The following FAM161A variants were observed in gnomAD, a reference collection of about 807,000 sequenced individuals.
FAM161A encodes the protein protein FAM161A.
In FAM161A, 57 loss-of-function variants were observed where a neutral mutation model predicts 70.9. The ratio of observed to expected loss-of-function variants is 0.80; its 90% confidence interval spans 0.65 to 1.00. The LOEUF (loss-of-function observed/expected upper bound fraction) is 1.00. Ranked by LOEUF, FAM161A falls within the 50% of genes least tolerant of loss-of-function variation. FAM161A has a pLI of 0.00. For synonymous variants in FAM161A, 299 were observed against 295.7 expected, an observed-to-expected ratio of 1.01 and a Z score of -0.12; for missense variants, 880 against 836.0, an observed-to-expected ratio of 1.05 and a Z score of -0.65.
chr2:61,802,369 A>C, the FAM161A span, among the ~76,000 whole-genome samples: 2 of 152,192 alleles, frequency 1.3e-5, no homozygotes, highest in Non-Finnish European at 2.9e-5. Flanking sequence ...TGATTTGGGC[A>C]GAAATGGGTG....
rs1468535654 is a variant in FAM161A, at chr2:61,840,400, T to G, written c.604A>C (p.Met202Leu). 6.2e-7 allele frequency: 1 copy of G among 1,613,994 alleles called. No homozygotes were observed. Among genetic ancestry groups the G allele is most frequent in the African/African-American group, 1.3e-5 (1 of 74,910 alleles). ...MTYAKELINN[M>L]WTDFCVEDYI... ...TCCTCAACACAAAAGTCTGTCCACA[T>G]ATTGTTGATGAGCTCCTTAGCATAG... is the stretch of plus-strand genomic sequence containing the variant. Residue 202 changes from methionine to leucine, a missense_variant, in exon 3 of 7, where the codon ATG becomes CTG. By Grantham distance (15) the Met-to-Leu change is conservative. Transcript: ENST00000404929.
the FAM161A span, among the ~76,000 whole-genome samples, chr2:61,818,775 A>T: frequency 6.6e-6 from 1 of 152,206 alleles, no homozygotes; most frequent in Non-Finnish European, 1.5e-5. Flanking sequence ...TCAGGTGAAG[A>T]CCATCAAGGA....
chr2:61,831,111 C>CAAA (rs11366022), intron 5 of FAM161A, among the ~76,000 whole-genome samples: 6 of 108,494 alleles, frequency 5.5e-5, no homozygotes, highest in South Asian at 3.3e-4. Context: ...GACGCCTTCT[C>CAAA]AAAAAAAAAA....
the FAM161A span, among the ~76,000 whole-genome samples, chr2:61,809,003 G>C: frequency 6.6e-6 from 1 of 152,086 alleles, no homozygotes; most frequent in Non-Finnish European, 1.5e-5. Flanking sequence ...CTCCAGAGTA[G>C]CTGGGATTGC....
rs1432789214 is a variant in FAM161A at position 61,833,417 on chromosome 2, C to G, written c.1851+2593G>C. Among the ~76,000 whole-genome samples the G allele has an allele frequency of 5.1e-5, 6 of 118,472 alleles. No individual in the cohort carries two copies. The Admixed American group carries it at 6.1e-4, about 12-fold the overall frequency. The allele number at this position is 118,472 out of a possible 152,430, so 77.7% of individuals were successfully genotyped here. On this transcript the variant is annotated intron_variant, in intron 5 of 6. Coordinates refer to ENST00000404929, the MANE Select transcript of FAM161A (RefSeq NM_001201543.2). ...CTCCAGCCTGGGTGACAGAGTGAGA[C>G]TCTGTCTCAAAAAAAAAAAAAAAAA...
the FAM161A span, chr2:61,803,468 A>G: frequency 1.3e-5 from 8 of 614,522 alleles, no homozygotes; most frequent in South Asian, 1.7e-5. Context: ...AAAAAGCCGA[A>G]GGAGTAAAGA....
intron 1 of FAM161A, among the ~76,000 whole-genome samples, chr2:61,851,866 G>C (rs1032356111): frequency 6.6e-6 from 1 of 152,176 alleles, no homozygotes; most frequent in Non-Finnish European, 1.5e-5. Context: ...CCAAAGAGCT[G>C]AAAGAGGCCT....
chr2:61,808,483 AG>A, the FAM161A span, among the ~76,000 whole-genome samples: 1 of 152,092 alleles, frequency 6.6e-6, no homozygotes, highest in Non-Finnish European at 1.5e-5. Context: ...CATGTTGGCC[AG>A]GATAGTCTCG....
Position 61,839,759 on chromosome 2 carries a change from A to T in FAM161A, c.1245T>A (p.Ala415=). Residue 415 remains alanine, a synonymous_variant, in exon 3 of 7, where the codon GCT becomes GCA. Coordinates refer to ENST00000404929, the MANE Select transcript of FAM161A (RefSeq NM_001201543.2). The part of the protein sequence containing the change: ...GCRNPRCPEQ[A]VKLKCKHKVR... ...CCTTGTGTTTACACTTCAACTTTAC[A>T]GCCTGTTCAGGACACCTGGGGTTCC... is the stretch of plus-strand genomic sequence containing the variant. The T allele has an allele frequency of 6.2e-7, 1 of 1,614,154 alleles. No individual in the cohort carries two copies.
chr2:61,807,239 AG>A, the FAM161A span, among the ~76,000 whole-genome samples: 3 of 152,110 alleles, frequency 2.0e-5, no homozygotes, highest in Non-Finnish European at 2.9e-5. Context: ...AATGAAGCAA[AG>A]CAAGTTAGTT....
chr2:61,803,904 C>G, the FAM161A span, among the ~76,000 whole-genome samples: 1 of 152,094 alleles, frequency 6.6e-6, no homozygotes. Context: ...CATCCAGACC[C>G]CAAGAGAGTG....
chr2:61,839,544 C>G lies in FAM161A; in HGVS notation c.1460G>C (p.Arg487Pro). ...ACGCCTTGGAGACAAATAAGGCCAACGTGTTTCTTTTAAATTTTCTTCATC... is the reference window on the plus strand; with the variant it reads ...ACGCCTTGGAGACAAATAAGGCCAAGGTGTTTCTTTTAAATTTTCTTCATC... ...EADEENLKETRWPYLSPRRKS... is the reference protein window; with the variant it reads ...EADEENLKETPWPYLSPRRKS... Residue 487 changes from arginine (R) to proline (P), a missense_variant, in exon 3 of 7, where the codon CGT (arginine) becomes CCT (proline). Coordinates refer to ENST00000404929, the MANE Select transcript of FAM161A (RefSeq NM_001201543.2). 6.2e-7 allele frequency: 1 copy of G among 1,614,182 alleles called. No homozygotes were observed. Among genetic ancestry groups the G allele is most frequent in the Non-Finnish European group, 8.5e-7 (1 of 1,180,030 alleles).
chr2:61,834,423 T>G (rs986740778), intron 5 of FAM161A, among the ~76,000 whole-genome samples: 9 of 151,388 alleles, frequency 5.9e-5, no homozygotes, highest in African/African-American at 2.2e-4. Flanking sequence ...ACCTGGGTGA[T>G]GAGTTCAATC....
the FAM161A span, among the ~76,000 whole-genome samples, chr2:61,808,968 G>A: frequency 6.6e-6 from 1 of 152,070 alleles, no homozygotes; most frequent in South Asian, 2.1e-4. Flanking sequence ...CCCCTCCCAG[G>A]TTCAAGCGAC....
Position 61,826,362 on chromosome 2 carries a change from A to G in FAM161A, c.*93T>C, listed in dbSNP as rs2105058397. ...GATCAACAGCCCTGCACATATCAGAAGCGTCCCCACAGATGTTCTAAACAC... is the reference window on the plus strand; with the variant it reads ...GATCAACAGCCCTGCACATATCAGAGGCGTCCCCACAGATGTTCTAAACAC... On this transcript the variant is annotated 3_prime_UTR_variant, in exon 7 of 7. Transcript: ENST00000404929. 1 of 1,387,072 alleles carries G rather than the reference A, an allele frequency of 7.2e-7. No individual in the cohort carries two copies. Among genetic ancestry groups the G allele is most frequent in the Non-Finnish European group, 1.0e-6 (1 of 989,916 alleles). The allele number at this position is 1,387,072 out of a possible 1,614,324, so 85.9% of individuals were successfully genotyped here.
chr2:61,809,192 C>T, the FAM161A span, among the ~76,000 whole-genome samples: 46 of 152,212 alleles, frequency 3.0e-4, no homozygotes, highest in South Asian at 3.5e-3. Flanking sequence ...TCTTGGAACA[C>T]TCTCTCCTTG....
chr2:61,843,595 T>A (rs1036443690), intron 1 of FAM161A, among the ~76,000 whole-genome samples: 10 of 152,188 alleles, frequency 6.6e-5, no homozygotes, highest in Admixed American at 1.3e-4. Flanking sequence ...CTGGAACAGA[T>A]GCAAAATGAA....
chr2:61,838,345 G>A (rs1403339750), intron 4 of FAM161A, among the ~76,000 whole-genome samples, 193 bp downstream of exon 4: 1 of 152,200 alleles, frequency 6.6e-6, no homozygotes, highest in Admixed American at 6.5e-5. Context: ...TCACCATAAA[G>A]GTGAGTTTAT....
At chr2:61,839,194 G>A (rs1279175498) in intron 3 of FAM161A, among the ~76,000 whole-genome samples, 1 of 151,888 alleles carries the variant, frequency 6.6e-6, no homozygotes, top group African/African-American at 2.4e-5. Flanking sequence ...GGTAAAACTA[G>A]AAATCTTAAG....
Sources: gnomAD v4.1 joint callset for allele counts (sites outside exome capture counted in the v4.1 genomes callset) on GRCh38, gnomAD v4.1.1 for gene constraint, MANE v1.5 for transcripts, NCBI Gene and HGNC (gene_info 2026-07-23, HGNC 2026-07-21) for gene names.